The following NEGR1 variants were observed in gnomAD, a reference collection of about 807,000 sequenced individuals.
NEGR1 encodes the protein neuronal growth regulator 1, also known as IgLON family member 4.
In NEGR1, 10 loss-of-function variants were observed where a neutral mutation model predicts 40.9. The observed-to-expected ratio is 0.24, with a 90% CI of 0.15 to 0.42. NEGR1 has a LOEUF of 0.42. Ranked by LOEUF, NEGR1 falls within the 10% of genes least tolerant of loss-of-function variation. NEGR1 has a pLI of 1.00. For missense variants in NEGR1, 352 were observed against 438.9 expected (o/e 0.80, Z 1.77); for synonymous variants, 185 against 166.8 (o/e 1.11, Z -0.84).
At chr1:72,248,314 G>C (rs956469137) in intron 1 of NEGR1, among the ~76,000 whole-genome samples, 7 of 152,066 alleles carry the variant, frequency 4.6e-5, no homozygotes, top group African/African-American at 1.7e-4. Flanking sequence ...CTAGTGTGCA[G>C]TGGCATGATC....
chr1:71,958,525 T>G (rs2100290408), intron 1 of NEGR1, among the ~76,000 whole-genome samples: 1 of 152,338 alleles, frequency 6.6e-6, no homozygotes. Context: ...ATTATAATAC[T>G]GATTTATTAT....
intron 6 of NEGR1, among the ~76,000 whole-genome samples, chr1:71,556,816 A>G (rs889171553): frequency 5.3e-5 from 8 of 151,604 alleles, no homozygotes; most frequent in Admixed American, 3.3e-4. Context: ...TAAATGTTCA[A>G]TTAACCTATT....
chr1:71,711,054 CAAAATATTTGAACA>C (rs1415727849), intron 3 of NEGR1, among the ~76,000 whole-genome samples: 1 of 151,622 alleles, frequency 6.6e-6, no homozygotes, highest in East Asian at 1.9e-4. Flanking sequence ...TTTAAATGGC[CAAAATATTTGAACA>C]AATACTTTAT....
chr1:71,997,257 G>GCTTT (rs1230433201), intron 1 of NEGR1, among the ~76,000 whole-genome samples: 2 of 151,938 alleles, frequency 1.3e-5, no homozygotes, highest in East Asian at 3.9e-4. Context: ...ACTATTCCAG[G>GCTTT]CTTTCCATGA....
At chr1:71,494,906 G>C (rs921693031) in intron 6 of NEGR1, among the ~76,000 whole-genome samples, 3 of 152,114 alleles carry the variant, frequency 2.0e-5, no homozygotes, top group Non-Finnish European at 4.4e-5. Context: ...GACAGCAAGA[G>C]CAAACCTTTC....
chr1:72,252,413 C>G (rs1461131475), intron 1 of NEGR1, among the ~76,000 whole-genome samples: 2 of 152,098 alleles, frequency 1.3e-5, no homozygotes, highest in Non-Finnish European at 2.9e-5. Context: ...TATTTTATGC[C>G]TCTGTGGACT....
At chr1:71,471,247 T>C (rs2101356680) in intron 6 of NEGR1, among the ~76,000 whole-genome samples, 1 of 152,286 alleles carries the variant, frequency 6.6e-6, no homozygotes, top group East Asian at 1.9e-4. Context: ...ATGGTTTATG[T>C]CCTAAGACTT....
intron 2 of NEGR1, among the ~76,000 whole-genome samples, chr1:71,928,719 T>C (rs1645825590): frequency 6.6e-6 from 1 of 151,874 alleles, no homozygotes; most frequent in Non-Finnish European, 1.5e-5. Context: ...TCAATAGAAA[T>C]AGAAAAATGC....
intron 6 of NEGR1, among the ~76,000 whole-genome samples, chr1:71,429,958 A>G (rs1165406148): frequency 6.6e-6 from 1 of 152,188 alleles, no homozygotes; most frequent in African/African-American, 2.4e-5. Flanking sequence ...ACTGCCTACT[A>G]TGTTCAAGGC....
intron 4 of NEGR1, among the ~76,000 whole-genome samples, chr1:71,661,416 G>A (rs1346292674): frequency 6.6e-6 from 1 of 152,174 alleles, no homozygotes; most frequent in Admixed American, 6.5e-5. Flanking sequence ...ACTGTATAAT[G>A]TAAAGGATGA....
At chr1:71,698,245 C>T in intron 3 of NEGR1, 106 bp from the exon 4 acceptor site, 1 of 940,286 alleles carries the variant, frequency 1.1e-6, no homozygotes, top group Non-Finnish European at 1.6e-6. Context: ...AAAACAATTC[C>T]AAATGAAACT....
rs11209914 is a variant in NEGR1, at chr1:72,116,054, G to T, written c.176+166265C>A. ...CTTTAAAACAAAAGGTGAATATTAT[G>T]TCAGCAAGGAGATCACCCTAGACAG... On this transcript the variant is annotated intron_variant, in intron 1 of 6. Coordinates refer to ENST00000357731, the MANE Select transcript of NEGR1 (RefSeq NM_173808.3). 7.3e-3 allele frequency among the ~76,000 whole-genome samples: 1,106 copies of T among 151,780 alleles called. 12 individuals carry two copies. Among genetic ancestry groups the T allele is most frequent in the African/African-American group, 0.026 (1,068 of 41,476 alleles).
chr1:71,914,053 G>T lies in NEGR1; in HGVS notation c.409+21026C>A, dbSNP rs893854212. ...CATTCTAATTTGAACAATATAAGAA[G>T]ATTGTGAGATATTTCTGGTCCTTGA... On this transcript the variant is annotated intron_variant, in intron 2 of 6. Transcript: ENST00000357731. Among the ~76,000 whole-genome samples the T allele has an allele frequency of 3.3e-5, 5 of 152,146 alleles. No individual in the cohort carries two copies. The East Asian group carries it at 9.6e-4, about 29-fold the overall frequency.
rs535530052 is a variant in NEGR1 at position 71,880,600 on chromosome 1, T to A, written c.409+54479A>T. Among the ~76,000 whole-genome samples, 4 of 152,146 alleles carry A rather than the reference T, an allele frequency of 2.6e-5. No homozygotes were observed. The South Asian group carries it at 8.3e-4, about 32-fold the overall frequency. ...TGAACTCCAAACACTTCAACATAGA[T>A]AGAAAACCTTGCAGTTTCAATGAAG... On this transcript the variant is annotated intron_variant, in intron 2 of 6. Coordinates refer to ENST00000357731, the MANE Select transcript of NEGR1 (RefSeq NM_173808.3).
intron 1 of NEGR1, among the ~76,000 whole-genome samples, chr1:71,996,915 C>T (rs895225459): frequency 2.6e-5 from 4 of 151,950 alleles, no homozygotes. Context: ...AAACATACTC[C>T]TCCTTTTGGT....
intron 1 of NEGR1, among the ~76,000 whole-genome samples, chr1:71,957,376 A>G (rs1344451306): frequency 6.6e-6 from 1 of 152,172 alleles, no homozygotes; most frequent in Non-Finnish European, 1.5e-5. Context: ...TTTTATGAAC[A>G]CTAAAAGTTA....
At chr1:71,646,187 G>A (rs1651522027) in intron 4 of NEGR1, among the ~76,000 whole-genome samples, 1 of 151,550 alleles carries the variant, frequency 6.6e-6, no homozygotes, top group Admixed American at 6.6e-5. Flanking sequence ...TACACATATT[G>A]TTTTGTACAT....
At position 71,765,850 on chromosome 1, in the gene NEGR1, A is replaced by C. The variant is rs542523230; in HGVS notation, c.535+10322T>G. Among the ~76,000 whole-genome samples, 3 of 152,302 alleles carry C rather than the reference A, an allele frequency of 2.0e-5. No individual in the cohort carries two copies. In the East Asian group the frequency reaches 5.8e-4, roughly 29 times the overall value. ...GTGATCAATGACTGTTTATTAAACA[A>C]AAGTGAGCAGTGTCAAGTGATTGAT... On this transcript the variant is annotated intron_variant, in intron 3 of 6. Coordinates refer to ENST00000357731, the MANE Select transcript of NEGR1 (RefSeq NM_173808.3).
intron 1 of NEGR1, among the ~76,000 whole-genome samples, chr1:72,271,968 A>T (rs1374786207): frequency 2.0e-5 from 3 of 151,886 alleles, no homozygotes; most frequent in Non-Finnish European, 4.4e-5. Context: ...TTCACCAGCC[A>T]TGTGGAACTG....
Sources: allele counts gnomAD v4.1 joint callset (sites outside exome capture counted in the v4.1 genomes callset), GRCh38; gene constraint gnomAD v4.1.1; transcripts MANE v1.5; gene names NCBI Gene and HGNC (gene_info 2026-07-23, HGNC 2026-07-21).